Variants in PDE10A observed in about 807,000 individuals in gnomAD.
The protein encoded by PDE10A is cAMP and cAMP-inhibited cGMP 3',5'-cyclic phosphodiesterase 10A.
In PDE10A, 39 loss-of-function variants were observed where a neutral mutation model predicts 97.7. The observed-to-expected ratio is 0.40, with a 90% CI of 0.31 to 0.52. The LOEUF is 0.52. Ranked by LOEUF, PDE10A falls within the 20% of genes least tolerant of loss-of-function variation. The probability of loss-of-function intolerance (pLI) is 0.56; values close to 1 mark genes in which losing one functional copy is unlikely to be tolerated. For synonymous variants in PDE10A, 371 were observed against 376.8 expected, an observed-to-expected ratio of 0.98 and a Z score of 0.18; for missense variants, 731 against 1,047.8, an observed-to-expected ratio of 0.70 and a Z score of 4.17.
chr6:165,775,994 G>A, intron 1 of PDE10A, among the ~76,000 whole-genome samples: 1 of 152,234 alleles, frequency 6.6e-6, no homozygotes, highest in Non-Finnish European at 1.5e-5. Flanking sequence ...CATTGCCAGA[G>A]TTTTCAAGTG....
intron 1 of PDE10A, among the ~76,000 whole-genome samples, chr6:165,920,850 G>GT (rs1363913598): frequency 2.0e-4 from 30 of 152,020 alleles, no homozygotes; most frequent in Admixed American, 2.0e-3. Context: ...TCCATTATAT[G>GT]TTCCTGAACC....
intron 1 of PDE10A, among the ~76,000 whole-genome samples, chr6:165,838,482 T>G (rs1267824126): frequency 6.6e-6 from 1 of 152,234 alleles, no homozygotes; most frequent in Non-Finnish European, 1.5e-5. Context: ...ATTTTCAAGA[T>G]TGTGCAACCA....
intron 2 of PDE10A, among the ~76,000 whole-genome samples, chr6:165,528,271 G>A (rs1408530172): frequency 6.6e-6 from 1 of 152,226 alleles, no homozygotes; most frequent in African/African-American, 2.4e-5. Context: ...CAGAGGAGGA[G>A]TTTAGTAATC....
chr6:165,837,123 A>G (rs147817176), intron 1 of PDE10A, among the ~76,000 whole-genome samples: 28,378 of 150,374 alleles, frequency 0.19, 3,216 homozygotes, highest in Middle Eastern at 0.26. Flanking sequence ...TGGGTGCAGC[A>G]CACCAGCATG....
At chr6:165,611,927 T>C (rs1253150776) in intron 1 of PDE10A, among the ~76,000 whole-genome samples, 7 of 152,232 alleles carry the variant, frequency 4.6e-5, no homozygotes, top group African/African-American at 1.7e-4. Flanking sequence ...CTTCACTGGT[T>C]GCCAGTATTG....
At chr6:165,715,013 A>C (rs1791991170) in intron 1 of PDE10A, among the ~76,000 whole-genome samples, 1 of 152,244 alleles carries the variant, frequency 6.6e-6, no homozygotes. Context: ...CTCTGGGTGC[A>C]CAGAGCAGGG....
intron 1 of PDE10A, among the ~76,000 whole-genome samples, chr6:165,830,550 C>T (rs922349636): frequency 3.3e-5 from 5 of 152,086 alleles, no homozygotes; most frequent in Non-Finnish European, 7.4e-5. Context: ...GCAGCCTGCC[C>T]TCCACCCCCA....
chr6:165,379,438 T>C lies in PDE10A; in HGVS notation c.2611-72A>G, dbSNP rs1784805840. On this transcript the variant is annotated intron_variant, in intron 17 of 21. Transcript: ENST00000539869. ...CTAATCTTATGACATTTTTAGTTAT[T>C]TGAAACTATATAGTCAGTCAATGAC... The C allele has an allele frequency of 6.4e-6, 8 of 1,243,192 alleles. No homozygotes were observed. The Admixed American group carries it at 1.8e-4, about 28-fold the overall frequency. The allele number at this position is 1,243,192 out of a possible 1,614,324, so 77.0% of individuals were successfully genotyped here.
chr6:165,566,839 C>A (rs1204278996), intron 1 of PDE10A, among the ~76,000 whole-genome samples: 3 of 152,170 alleles, frequency 2.0e-5, no homozygotes, highest in East Asian at 1.9e-4. Context: ...TCCTTACTGT[C>A]ATACACTATT....
At chr6:165,599,504 G>T (rs1310355090) in intron 1 of PDE10A, among the ~76,000 whole-genome samples, 1 of 152,246 alleles carries the variant, frequency 6.6e-6, no homozygotes, top group South Asian at 2.1e-4. Context: ...AAAAGTCAAA[G>T]GAACCCCTAG....
intron 1 of PDE10A, among the ~76,000 whole-genome samples, chr6:165,605,980 A>G (rs753191228): frequency 2.9e-4 from 44 of 152,034 alleles, no homozygotes; most frequent in Non-Finnish European, 7.4e-5. Context: ...TTTCTCATGG[A>G]CAGGGATTAT....
chr6:165,588,801 T>C (rs1338610439), intron 1 of PDE10A, among the ~76,000 whole-genome samples: 2 of 152,192 alleles, frequency 1.3e-5, no homozygotes, highest in African/African-American at 4.8e-5. Context: ...AATCCACCAC[T>C]TATTAATGTA....
intron 1 of PDE10A, among the ~76,000 whole-genome samples, chr6:165,736,458 G>A (rs1792577359): frequency 1.3e-5 from 2 of 152,168 alleles, no homozygotes; most frequent in Admixed American, 1.3e-4. Context: ...GGGAAGGAGA[G>A]TGAAGTGAGC....
At chr6:165,621,904 C>A (rs1422314792) in intron 1 of PDE10A, among the ~76,000 whole-genome samples, 1 of 152,168 alleles carries the variant, frequency 6.6e-6, no homozygotes, top group African/African-American at 2.4e-5. Flanking sequence ...CTAGGCTGGA[C>A]CATGAGGCCC....
chr6:165,567,749 T>C (rs1350628415), intron 1 of PDE10A, among the ~76,000 whole-genome samples: 1 of 152,144 alleles, frequency 6.6e-6, no homozygotes, highest in Non-Finnish European at 1.5e-5. Flanking sequence ...TTCGAAGATA[T>C]AAATAATCCA....
At chr6:165,564,662 C>T (rs1784687898) in intron 1 of PDE10A, among the ~76,000 whole-genome samples, 1 of 152,210 alleles carries the variant, frequency 6.6e-6, no homozygotes, top group South Asian at 2.1e-4. Flanking sequence ...ACATTTTATA[C>T]AATGCCTCTC....
chr6:165,824,468 C>T (rs1043202534), intron 1 of PDE10A, among the ~76,000 whole-genome samples: 1 of 152,210 alleles, frequency 6.6e-6, no homozygotes, highest in Non-Finnish European at 1.5e-5. Context: ...GGATTTTACT[C>T]ATAACCTATG....
At chr6:165,379,575 G>A (rs1784814451) in intron 17 of PDE10A, among the ~76,000 whole-genome samples, 1 of 152,032 alleles carries the variant, frequency 6.6e-6, no homozygotes, top group Non-Finnish European at 1.5e-5. Context: ...AAACAATGAA[G>A]CTACCACTTA....
intron 18 of PDE10A, among the ~76,000 whole-genome samples, chr6:165,348,119 C>G (rs1249853345): frequency 6.6e-6 from 1 of 152,102 alleles, no homozygotes; most frequent in African/African-American, 2.4e-5. Context: ...CAAATATTAT[C>G]TGGGACTAAG....
Sources: allele counts gnomAD v4.1 joint callset (sites outside exome capture counted in the v4.1 genomes callset), GRCh38; gene constraint gnomAD v4.1.1; transcripts MANE v1.5; gene names NCBI Gene and HGNC (gene_info 2026-07-23, HGNC 2026-07-21).